Variants in ASXL3 observed in about 807,000 individuals in gnomAD.
ASXL3 encodes the protein ASXL transcriptional regulator 3.
A neutral mutation model predicts 170.6 loss-of-function variants in ASXL3; 34 were observed. The observed-to-expected ratio is 0.20, with a 90% CI of 0.15 to 0.27. The LOEUF (loss-of-function observed/expected upper bound fraction) is 0.27. Ranked by LOEUF, ASXL3 falls within the 10% of genes least tolerant of loss-of-function variation. The probability of loss-of-function intolerance (pLI) is 1.00; values close to 1 mark genes in which losing one functional copy is unlikely to be tolerated. For missense variants in ASXL3, 2,592 were observed against 2,695.3 expected (o/e 0.96, Z 0.85); for synonymous variants, 1,002 against 989.1 (o/e 1.01, Z -0.24).
chr18:33,656,197 T>G (rs1327401972), intron 4 of ASXL3, among the ~76,000 whole-genome samples: 1 of 152,128 alleles, frequency 6.6e-6, no homozygotes, highest in Non-Finnish European at 1.5e-5. Context: ...TGAGTTAAAT[T>G]TTTTATTCAT....
At position 33,677,092 on chromosome 18, in the gene ASXL3, A is replaced by G. The variant is rs553401825; in HGVS notation, c.715+5226A>G. Among the ~76,000 whole-genome samples, 4 of 152,320 alleles carry G rather than the reference A, an allele frequency of 2.6e-5. No individual in the cohort carries two copies. The South Asian group carries it at 6.2e-4, about 24-fold the overall frequency. ...CTTGCTAAACAAATCTAAGCTTCTAATGGATGTCTCCGAGGGGGTTTTAAT... is the reference window on the plus strand; with the variant it reads ...CTTGCTAAACAAATCTAAGCTTCTAGTGGATGTCTCCGAGGGGGTTTTAAT... On this transcript the variant is annotated intron_variant, in intron 7 of 11. Transcript: ENST00000269197.
At chr18:33,696,684 A>T (rs2066778383) in intron 8 of ASXL3, among the ~76,000 whole-genome samples, 1 of 152,008 alleles carries the variant, frequency 6.6e-6, no homozygotes, top group Admixed American at 6.6e-5. Context: ...ACATCTCAAT[A>T]TCATTCTTGC....
chr18:33,646,440 C>A, intron 4 of ASXL3, 87 bp downstream of exon 4: 1 of 936,488 alleles, frequency 1.1e-6, no homozygotes, highest in Non-Finnish European at 1.6e-6. Context: ...AATTTCCCAC[C>A]ATTATCAATA....
rs2067805182 is a variant in ASXL3, at chr18:33,746,931, AC to A, written c.*338del. 4.9e-6 allele frequency: 1 copy of A among 205,898 alleles called. No individual in the cohort carries two copies. The highest frequency in any genetic ancestry group is 1.1e-4 in the East Asian group (1 of 9,222). The allele number at this position is 205,898 out of a possible 1,614,324, so 12.8% of individuals were successfully genotyped here. A position where few individuals can be genotyped will look rare whatever the true frequency, so the allele number is the denominator to read the frequency against. ...AAAGGACATTTTTAATTACTTAATAACCGGAAATGCAGATGTGTAAGGAGAA... is the reference window on the plus strand; with the variant it reads ...AAAGGACATTTTTAATTACTTAATAACGGAAATGCAGATGTGTAAGGAGAA... On this transcript the variant is annotated 3_prime_UTR_variant, in exon 12 of 12. Coordinates refer to ENST00000269197, the MANE Select transcript of ASXL3 (RefSeq NM_030632.3).
At position 33,738,506 on chromosome 18, in the gene ASXL3, G is replaced by C; in HGVS notation, c.1102G>C (p.Glu368Gln). 1 of 1,610,084 alleles carries C rather than the reference G, an allele frequency of 6.2e-7. No individual in the cohort carries two copies. Among genetic ancestry groups the C allele is most frequent in the Non-Finnish European group, 8.5e-7 (1 of 1,177,508 alleles). The change falls in exon 11 of 12, where the codon GAA becomes CAA. Residue 368 changes from glutamate (E) to glutamine (Q), a missense_variant. Glu to Gln is a conservative substitution (Grantham distance 29). Transcript: ENST00000269197. ...GTACAGGCTGGGCATGTCAAGAGAGGAATCTGTGAAGCTCACTACTGGACC... is the reference window on the plus strand; with the variant it reads ...GTACAGGCTGGGCATGTCAAGAGAGCAATCTGTGAAGCTCACTACTGGACC... ...YGEKLGMSRE[E>Q]SVKLTTGPNN...
intron 1 of ASXL3, among the ~76,000 whole-genome samples, chr18:33,579,763 C>T (rs957432419): frequency 6.6e-6 from 1 of 151,942 alleles, no homozygotes; most frequent in African/African-American, 2.4e-5. Context: ...ATTTATTCGC[C>T]AGCTTACTAT....
intron 8 of ASXL3, among the ~76,000 whole-genome samples, chr18:33,684,801 GT>G (rs1393444722): frequency 6.6e-6 from 1 of 152,076 alleles, no homozygotes; most frequent in Non-Finnish European, 1.5e-5. Context: ...AAAGTATATT[GT>G]ACTTTTATAT....
chr18:33,635,730 T>C (rs117150404), intron 2 of ASXL3, among the ~76,000 whole-genome samples: 1 of 152,178 alleles, frequency 6.6e-6, no homozygotes, highest in South Asian at 2.1e-4. Flanking sequence ...ATGCAGGGTA[T>C]GCAAATATAA....
chr18:33,632,931 A>T (rs746735626), intron 2 of ASXL3, among the ~76,000 whole-genome samples: 1 of 152,142 alleles, frequency 6.6e-6, no homozygotes, highest in Non-Finnish European at 1.5e-5. Flanking sequence ...TGTGGAACTA[A>T]ATGTCATGAG....
intron 1 of ASXL3, among the ~76,000 whole-genome samples, chr18:33,600,389 TGAAAG>T (rs1301077437): frequency 6.6e-6 from 1 of 152,122 alleles, no homozygotes; most frequent in Non-Finnish European, 1.5e-5. Context: ...TTGATAGAAA[TGAAAG>T]GAAAGCATAA....
At chr18:33,742,519 G>A (rs1258078851) in intron 11 of ASXL3, among the ~76,000 whole-genome samples, 1 of 151,980 alleles carries the variant, frequency 6.6e-6, no homozygotes, top group African/African-American at 2.4e-5. Context: ...ACTTTTTTAT[G>A]CCACTAAAAA....
intron 8 of ASXL3, among the ~76,000 whole-genome samples, chr18:33,724,180 A>C (rs1196906874): frequency 1.3e-5 from 2 of 152,042 alleles, no homozygotes; most frequent in African/African-American, 4.8e-5. Flanking sequence ...TTGAGTCCTC[A>C]TATGACTAGA....
intron 8 of ASXL3, among the ~76,000 whole-genome samples, chr18:33,683,924 TA>T (rs1382922465): frequency 6.6e-6 from 1 of 152,152 alleles, no homozygotes; most frequent in Non-Finnish European, 1.5e-5. Context: ...CCAGGGTTTC[TA>T]AAAAATTATG....
intron 11 of ASXL3, 101 bp from the exon 12 acceptor site, chr18:33,742,787 A>C: frequency 7.0e-7 from 1 of 1,429,962 alleles, no homozygotes; most frequent in African/African-American, 1.4e-5. Flanking sequence ...ATATTAGGAG[A>C]GAATGCAGCT....
chr18:33,583,866 G>A (rs1446454541), intron 1 of ASXL3, among the ~76,000 whole-genome samples: 1 of 152,100 alleles, frequency 6.6e-6, no homozygotes, highest in Non-Finnish European at 1.5e-5. Flanking sequence ...CTGGAAAAGT[G>A]AAATATGGCC....
At chr18:33,589,063 TTA>T (rs1197370588) in intron 1 of ASXL3, among the ~76,000 whole-genome samples, 2 of 152,172 alleles carry the variant, frequency 1.3e-5, no homozygotes, top group Non-Finnish European at 2.9e-5. Context: ...ATTCAGGCTG[TTA>T]TATGGGTTAT....
Position 33,745,527 on chromosome 18 carries a change from G to A in ASXL3, c.5679G>A (p.Glu1893=), listed in dbSNP as rs1301124095. 6.2e-7 allele frequency: 1 copy of A among 1,614,000 alleles called. No individual in the cohort carries two copies. Among genetic ancestry groups the A allele is most frequent in the East Asian group, 2.2e-5 (1 of 44,864 alleles). ...AGAACAGAATTGTTCACAGCCCTGA[G>A]GTCAAACAGCAAAAGCGGCTGCTCC... ...SMQNRIVHSP[E]VKQQKRLLPS... The change falls in exon 12 of 12, where the codon GAG becomes GAA. Residue 1893 remains glutamate (E), a synonymous_variant. Transcript: ENST00000269197.
At chr18:33,613,635 T>C (rs1368228457) in intron 2 of ASXL3, among the ~76,000 whole-genome samples, 1 of 152,124 alleles carries the variant, frequency 6.6e-6, no homozygotes, top group Non-Finnish European at 1.5e-5. Flanking sequence ...AAAAATACTT[T>C]ATGCTGGACA....
In ASXL3 at chr18:33,709,216, T is replaced by C. The variant is rs575513450; in HGVS notation, c.880-22752T>C. Among the ~76,000 whole-genome samples, 7 of 151,654 alleles carry C rather than the reference T, an allele frequency of 4.6e-5. No individual in the cohort carries two copies. The East Asian group carries it at 1.4e-3, about 29-fold the overall frequency. ...GGGAGTGAACTGCTTCTTTGAAAAA[T>C]GGTTTGACAGTATTTATTAAAGTTG... On this transcript the variant is annotated intron_variant, in intron 8 of 11. Coordinates refer to ENST00000269197, the MANE Select transcript of ASXL3 (RefSeq NM_030632.3).
Sources: allele counts gnomAD v4.1 joint callset (sites outside exome capture counted in the v4.1 genomes callset), GRCh38; gene constraint gnomAD v4.1.1; transcripts MANE v1.5; gene names NCBI Gene and HGNC (gene_info 2026-07-23, HGNC 2026-07-21).